The following ZBTB20 variants were observed in gnomAD, a reference collection of about 807,000 sequenced individuals.
ZBTB20 encodes zinc finger and BTB domain containing 20, also known as zinc finger and BTB domain-containing protein 20.
Under a neutral mutation model 56.9 loss-of-function variants are expected in ZBTB20, and 9 were observed. The ratio of observed to expected loss-of-function variants is 0.16; its 90% CI spans 0.10 to 0.28. The LOEUF (loss-of-function observed/expected upper bound fraction) is 0.28. Ranked by LOEUF, ZBTB20 falls within the 10% of genes least tolerant of loss-of-function variation. ZBTB20 has a pLI of 1.00. For missense variants in ZBTB20, 655 were observed against 1,003.0 expected (o/e 0.65, Z 4.69); for synonymous variants, 417 against 420.7 (o/e 0.99, Z 0.11).
chr3:115,075,258 T>A (rs981121657), intron 1 of ZBTB20, among the ~76,000 whole-genome samples: 2 of 152,120 alleles, frequency 1.3e-5, no homozygotes, highest in Non-Finnish European at 1.5e-5. Context: ...AAACTTTATG[T>A]CCATTAATTA....
chr3:114,708,450 T>C (rs1448561229), intron 5 of ZBTB20, among the ~76,000 whole-genome samples: 1 of 151,972 alleles, frequency 6.6e-6, no homozygotes, highest in African/African-American at 2.4e-5. Context: ...ATCTCACCTC[T>C]AGGAATGTAT....
chr3:114,650,355 C>T (rs1192372667), intron 6 of ZBTB20, among the ~76,000 whole-genome samples: 1 of 151,840 alleles, frequency 6.6e-6, no homozygotes, highest in Admixed American at 6.6e-5. Flanking sequence ...TAAGAATATG[C>T]ATTGGCCTTT....
chr3:114,543,498 C>T (rs1214094377), intron 6 of ZBTB20, among the ~76,000 whole-genome samples: 1 of 152,124 alleles, frequency 6.6e-6, no homozygotes, highest in African/African-American at 2.4e-5. Flanking sequence ...AAGCCTTAGC[C>T]CCCATCTCCG....
chr3:114,538,907 C>G (rs535691260), intron 6 of ZBTB20, among the ~76,000 whole-genome samples: 1 of 152,140 alleles, frequency 6.6e-6, no homozygotes, highest in Admixed American at 6.5e-5. Flanking sequence ...TGAGCACATG[C>G]CAATGAGATT....
chr3:115,036,513 C>G (rs1443767225), intron 2 of ZBTB20, among the ~76,000 whole-genome samples: 2 of 152,100 alleles, frequency 1.3e-5, no homozygotes, highest in African/African-American at 4.8e-5. Flanking sequence ...CTCCCAGGTT[C>G]GAGCGATTCT....
intron 6 of ZBTB20, among the ~76,000 whole-genome samples, chr3:114,517,532 C>T (rs1322027134): frequency 1.3e-5 from 2 of 151,926 alleles, no homozygotes; most frequent in Non-Finnish European, 2.9e-5. Flanking sequence ...GGAAGGACAT[C>T]CCAAAAGCTA....
At chr3:114,488,551 T>A (rs1466207126) in intron 7 of ZBTB20, among the ~76,000 whole-genome samples, 1 of 152,216 alleles carries the variant, frequency 6.6e-6, no homozygotes, top group Non-Finnish European at 1.5e-5. Context: ...AGTATGAAAA[T>A]ATTCATGTAT....
chr3:114,959,754 T>C (rs201084350), intron 3 of ZBTB20, among the ~76,000 whole-genome samples: 35 of 120,250 alleles, frequency 2.9e-4, no homozygotes, highest in South Asian at 5.3e-4. Context: ...CACACACACT[T>C]GGAGACTCTC....
chr3:114,322,672 G>A lies in ZBTB20; in HGVS notation c.*16333C>T, dbSNP rs2078935684. ...GTGATTACCCAATACTTATTTCTAA[G>A]TACCTGTTAAAAGCTCTGGATTTAG... On this transcript the variant is annotated 3_prime_UTR_variant, in exon 12 of 12. Transcript: ENST00000675478. 1 of 152,176 alleles carries A rather than the reference G, an allele frequency of 6.6e-6. No individual in the cohort carries two copies. The highest frequency in any genetic ancestry group is 1.5e-5 in the Non-Finnish European group (1 of 68,020). The allele number at this position is 152,176 out of a possible 1,614,324, so 9.4% of individuals were successfully genotyped here. A position where few individuals can be genotyped will look rare whatever the true frequency, so the allele number is the denominator to read the frequency against.
chr3:114,910,837 C>T (rs1475019409), intron 3 of ZBTB20, among the ~76,000 whole-genome samples: 1 of 151,940 alleles, frequency 6.6e-6, no homozygotes, highest in Non-Finnish European at 1.5e-5. Context: ...TCACAGAGGA[C>T]ATTATGCTGT....
chr3:114,866,327 G>A (rs1043701183), intron 4 of ZBTB20, among the ~76,000 whole-genome samples: 2 of 152,154 alleles, frequency 1.3e-5, no homozygotes, highest in African/African-American at 4.8e-5. Context: ...AGTAAGGGGC[G>A]AAGACAGAAT....
At position 114,696,456 on chromosome 3, in the gene ZBTB20, T is replaced by A. The variant is rs561907320; in HGVS notation, c.-342-2881A>T. Among the ~76,000 whole-genome samples, 21 of 152,156 alleles carry A rather than the reference T, an allele frequency of 1.4e-4. 1 individual carries two copies. The East Asian group carries it at 3.9e-3, about 28-fold the overall frequency. On this transcript the variant is annotated intron_variant, in intron 5 of 11. Transcript: ENST00000675478. ...TAAAAACAATCAAAACTACCACCAC[T>A]GCTGCTACCCTTCACACACCTGAAC...
At chr3:114,633,509 C>A (rs2059081400) in intron 6 of ZBTB20, among the ~76,000 whole-genome samples, 1 of 152,148 alleles carries the variant, frequency 6.6e-6, no homozygotes, top group African/African-American at 2.4e-5. Flanking sequence ...ATTTAGGAAT[C>A]AGGCTCTGCA....
intron 11 of ZBTB20, among the ~76,000 whole-genome samples, chr3:114,346,566 A>G (rs2080202465): frequency 6.6e-6 from 1 of 152,194 alleles, no homozygotes; most frequent in African/African-American, 2.4e-5. Context: ...CCTCTACTTT[A>G]AATTTTTGGG....
At chr3:114,516,921 G>A (rs1341238950) in intron 6 of ZBTB20, among the ~76,000 whole-genome samples, 1 of 152,106 alleles carries the variant, frequency 6.6e-6, no homozygotes, top group African/African-American at 2.4e-5. Flanking sequence ...AAAAATTTCT[G>A]TTGTTTAAGC....
At chr3:115,091,512 A>C (rs1165450697) in intron 1 of ZBTB20, among the ~76,000 whole-genome samples, 1 of 152,054 alleles carries the variant, frequency 6.6e-6, no homozygotes, top group Non-Finnish European at 1.5e-5. Context: ...ACACTTGTGA[A>C]TAGGCAATGC....
At chr3:114,478,107 C>T (rs1047401527) in intron 7 of ZBTB20, among the ~76,000 whole-genome samples, 3 of 151,964 alleles carry the variant, frequency 2.0e-5, no homozygotes, top group Non-Finnish European at 2.9e-5. Context: ...GCTGGGATTA[C>T]AGGCATGCGC....
At chr3:114,620,522 C>A (rs748311362) in intron 6 of ZBTB20, among the ~76,000 whole-genome samples, 38 of 152,240 alleles carry the variant, frequency 2.5e-4, no homozygotes, top group Non-Finnish European at 4.4e-4. Flanking sequence ...GAACTCCTGA[C>A]CTCAGGTGAT....
At chr3:114,905,814 T>C (rs1006426098) in intron 3 of ZBTB20, among the ~76,000 whole-genome samples, 9 of 151,836 alleles carry the variant, frequency 5.9e-5, no homozygotes, top group South Asian at 2.1e-4. Context: ...TGGCCCCACA[T>C]TGGACAAGAA....
Sources: allele counts gnomAD v4.1 joint callset (sites outside exome capture counted in the v4.1 genomes callset), GRCh38; gene constraint gnomAD v4.1.1; transcripts MANE v1.5; gene names NCBI Gene and HGNC (gene_info 2026-07-23, HGNC 2026-07-21).